Variants in BTBD9 observed in about 807,000 individuals in gnomAD.
BTBD9 encodes BTB domain containing 9.
Under a neutral mutation model 64.3 loss-of-function variants are expected in BTBD9, and 49 were observed. The observed-to-expected ratio is 0.76, with a 90% CI of 0.61 to 0.97. BTBD9 has a LOEUF of 0.97. BTBD9 is among the 50% of genes least tolerant of loss of function. BTBD9 has a pLI of 0.00. For synonymous variants in BTBD9, 260 were observed against 274.7 expected, an observed-to-expected ratio of 0.95 and a Z score of 0.53; for missense variants, 598 against 762.1, an observed-to-expected ratio of 0.78 and a Z score of 2.53.
At chr6:38,243,276 G>T (rs1489954157) in intron 9 of BTBD9, among the ~76,000 whole-genome samples, 3 of 152,164 alleles carry the variant, frequency 2.0e-5, no homozygotes, top group African/African-American at 7.2e-5. Context: ...TTAACAGGAG[G>T]CAGGATATTT....
rs1771251774 is a variant in BTBD9, at chr6:38,483,375, C to T, written c.1154+94225G>A. Among the ~76,000 whole-genome samples the T allele has an allele frequency of 2.0e-5, 3 of 151,938 alleles. No individual in the cohort carries two copies. In the South Asian group the frequency reaches 6.2e-4, roughly 32 times the overall value. ...TTAAGACTTCCATGAAAATGTTGTC[C>T]TTGTTTTCTTCCTGCCTCACTGGCA... is the stretch of plus-strand genomic sequence containing the variant. On this transcript the variant is annotated intron_variant, in intron 6 of 10. Coordinates refer to ENST00000481247, the MANE Select transcript of BTBD9 (RefSeq NM_001099272.2).
At chr6:38,347,659 A>G (rs1421975773) in intron 6 of BTBD9, among the ~76,000 whole-genome samples, 1 of 152,176 alleles carries the variant, frequency 6.6e-6, no homozygotes, top group African/African-American at 2.4e-5. Context: ...AAAGGCTTCA[A>G]TTAATGGCCC....
chr6:38,539,221 C>T (rs140924830), intron 6 of BTBD9, among the ~76,000 whole-genome samples: 219 of 152,252 alleles, frequency 1.4e-3, no homozygotes, highest in African/African-American at 4.8e-3. Context: ...CATGAGCCAC[C>T]GCACCCAGTC....
intron 6 of BTBD9, among the ~76,000 whole-genome samples, chr6:38,518,990 G>A (rs1463070890): frequency 6.6e-6 from 1 of 152,186 alleles, no homozygotes; most frequent in Non-Finnish European, 1.5e-5. Flanking sequence ...CATCAGTGAA[G>A]GACATCAGAG....
At chr6:38,335,960 A>G (rs1309104372) in intron 7 of BTBD9, among the ~76,000 whole-genome samples, 3 of 151,908 alleles carry the variant, frequency 2.0e-5, no homozygotes, top group African/African-American at 4.8e-5. Context: ...GTCTCAAACT[A>G]CTGACCTCAG....
chr6:38,187,629 T>C (rs1225895134), intron 10 of BTBD9, among the ~76,000 whole-genome samples: 3 of 151,530 alleles, frequency 2.0e-5, no homozygotes, highest in Non-Finnish European at 4.4e-5. Context: ...AAGCACACAG[T>C]GGGGGGGAGT....
intron 4 of BTBD9, among the ~76,000 whole-genome samples, chr6:38,585,976 A>G (rs923859155): frequency 2.7e-5 from 4 of 150,432 alleles, no homozygotes; most frequent in African/African-American, 9.8e-5. Context: ...ACACACACAC[A>G]CACGCATATT....
At chr6:38,572,845 ATCT>A (rs1290198640) in intron 6 of BTBD9, among the ~76,000 whole-genome samples, 3 of 151,728 alleles carry the variant, frequency 2.0e-5, no homozygotes, top group Non-Finnish European at 4.4e-5. Context: ...GTGAGGAATA[ATCT>A]TCTAATCATA....
chr6:38,416,208 G>C (rs144541097), intron 6 of BTBD9, among the ~76,000 whole-genome samples: 42 of 152,272 alleles, frequency 2.8e-4, no homozygotes, highest in African/African-American at 9.4e-4. Flanking sequence ...GATAGATGTT[G>C]AGTTGTAGAT....
At chr6:38,592,544 C>A in intron 4 of BTBD9, 32 bp downstream of exon 4, 1 of 1,606,800 alleles carries the variant, frequency 6.2e-7, no homozygotes, top group South Asian at 1.1e-5. Context: ...TACCAAGCTT[C>A]TTGGTTGAGT....
At chr6:38,429,192 C>T (rs1042093917) in intron 6 of BTBD9, among the ~76,000 whole-genome samples, 5 of 151,414 alleles carry the variant, frequency 3.3e-5, no homozygotes, top group South Asian at 2.1e-4. Flanking sequence ...TGGTGGCTCA[C>T]GCCTGTAATC....
At chr6:38,280,751 C>A (rs942773713) in intron 8 of BTBD9, among the ~76,000 whole-genome samples, 6 of 152,214 alleles carry the variant, frequency 3.9e-5, no homozygotes, top group African/African-American at 1.2e-4. Context: ...AGAGCTCAAT[C>A]TCAGTCATTT....
At chr6:38,197,307 G>C (rs1209485606) in intron 9 of BTBD9, among the ~76,000 whole-genome samples, 1 of 152,208 alleles carries the variant, frequency 6.6e-6, no homozygotes, top group Non-Finnish European at 1.5e-5. Context: ...GAGCTGTCAG[G>C]ATAGAGTCAG....
intron 6 of BTBD9, among the ~76,000 whole-genome samples, chr6:38,492,090 A>C (rs1399407335): frequency 2.6e-5 from 4 of 152,208 alleles, no homozygotes; most frequent in Non-Finnish European, 5.9e-5. Flanking sequence ...GTCCCACTTT[A>C]GAGATGAGAA....
chr6:38,606,261 G>GT (rs1459628741), intron 1 of BTBD9, among the ~76,000 whole-genome samples: 1 of 152,146 alleles, frequency 6.6e-6, no homozygotes, highest in Non-Finnish European at 1.5e-5. Flanking sequence ...TTGTGATCGT[G>GT]TGAGTCAATA....
intron 6 of BTBD9, among the ~76,000 whole-genome samples, chr6:38,529,032 G>C (rs768457623): frequency 2.6e-5 from 4 of 152,160 alleles, no homozygotes; most frequent in African/African-American, 9.7e-5. Flanking sequence ...TTCTGGACCT[G>C]TCCTGGTCCT....
At chr6:38,551,210 A>T (rs968181536) in intron 6 of BTBD9, among the ~76,000 whole-genome samples, 1 of 152,204 alleles carries the variant, frequency 6.6e-6, no homozygotes, top group Non-Finnish European at 1.5e-5. Flanking sequence ...ACTTCACTGA[A>T]TCTTCAATAC....
At position 38,186,540 on chromosome 6, in the gene BTBD9, TTGAC is replaced by T. The variant is rs200387442; in HGVS notation, c.1641+5975_1641+5978del. On this transcript the variant is annotated intron_variant, in intron 10 of 10. Coordinates refer to ENST00000481247, the MANE Select transcript of BTBD9 (RefSeq NM_001099272.2). ...TACATCTTTTCCTTTATTGCTTTCT[TTGAC>T]TGACTGACTGGGAGAGGGAGAGATG... Among the ~76,000 whole-genome samples, 44 of 152,306 alleles carry T rather than the reference TTGAC, an allele frequency of 2.9e-4. No homozygotes were observed. In the East Asian group the frequency reaches 4.8e-3, roughly 17 times the overall value.
chr6:38,374,297 G>GTGTATGTATATATATATA, intron 6 of BTBD9, among the ~76,000 whole-genome samples: 1 of 53,700 alleles, frequency 1.9e-5, no homozygotes, highest in South Asian at 7.5e-4. Context: ...ATATATATAT[G>GTGTATGTATATATATATA]TATATATATG....
Sources: gnomAD v4.1 joint callset for allele counts (sites outside exome capture counted in the v4.1 genomes callset) on GRCh38, gnomAD v4.1.1 for gene constraint, MANE v1.5 for transcripts, NCBI Gene and HGNC (gene_info 2026-07-23, HGNC 2026-07-21) for gene names.